PACRG: variants seen among roughly 807,000 people sequenced by gnomAD.
PACRG encodes the protein parkin coregulated gene protein.
A neutral mutation model predicts 29.7 loss-of-function variants in PACRG; 29 were observed. The observed-to-expected ratio is 0.98, with a 90% CI of 0.73 to 1.33. The LOEUF is 1.33. Among genes scored for constraint, PACRG ranks in the 40% most tolerant of loss-of-function variants. PACRG has a pLI of 0.00. For missense variants in PACRG, 279 were observed against 316.2 expected (o/e 0.88, Z 0.89); for synonymous variants, 116 against 118.7 (o/e 0.98, Z 0.15).
chr6:163,305,026 G>A (rs544859520), intron 4 of PACRG, among the ~76,000 whole-genome samples: 3 of 152,318 alleles, frequency 2.0e-5, no homozygotes, highest in African/African-American at 7.2e-5. Flanking sequence ...TGGCCCCACC[G>A]TGTCCCACAC....
intron 4 of PACRG, among the ~76,000 whole-genome samples, chr6:163,270,262 C>T (rs1444912657): frequency 6.6e-6 from 1 of 152,100 alleles, no homozygotes; most frequent in Non-Finnish European, 1.5e-5. Flanking sequence ...CAGGCTAACC[C>T]CCTGGGGAAA....
At chr6:163,312,073 A>G (rs571457592) in intron 4 of PACRG, among the ~76,000 whole-genome samples, 1 of 152,314 alleles carries the variant, frequency 6.6e-6, no homozygotes, top group African/African-American at 2.4e-5. Flanking sequence ...GCCACAACTC[A>G]GCATCATCAT....
chr6:162,882,852 G>A (rs1794015117), intron 2 of PACRG, among the ~76,000 whole-genome samples: 1 of 152,142 alleles, frequency 6.6e-6, no homozygotes, highest in Non-Finnish European at 1.5e-5. Context: ...ACTTTAGCAG[G>A]CTTACCCTGA....
At chr6:163,312,563 G>C (rs1253363994) in intron 4 of PACRG, among the ~76,000 whole-genome samples, 1 of 152,118 alleles carries the variant, frequency 6.6e-6, no homozygotes, top group Non-Finnish European at 1.5e-5. Context: ...ATTCCTGCCT[G>C]CACCTTCTCA....
At chr6:162,989,135 G>A (rs1354030264) in intron 2 of PACRG, among the ~76,000 whole-genome samples, 1 of 152,116 alleles carries the variant, frequency 6.6e-6, no homozygotes, top group Non-Finnish European at 1.5e-5. Flanking sequence ...AAGATTTCAG[G>A]TGGAACATTG....
At chr6:162,727,392 G>T (rs1345113721), upstream of PACRG, 5 of 473,500 alleles carry the variant, frequency 1.1e-5, no homozygotes, top group Non-Finnish European at 1.9e-5. Flanking sequence ...GCGGGGGTGC[G>T]GGGCCGCCTG....
At chr6:163,235,151 G>A (rs7774805) in intron 4 of PACRG, among the ~76,000 whole-genome samples, 48,747 of 151,946 alleles carry the variant, frequency 0.32, 7,933 homozygotes, top group South Asian at 0.42. Context: ...CTCTTCCATC[G>A]TAAGCCGGCT....
At chr6:163,094,558 A>G (rs570691810) in intron 4 of PACRG, among the ~76,000 whole-genome samples, 1 of 152,070 alleles carries the variant, frequency 6.6e-6, no homozygotes, top group Non-Finnish European at 1.5e-5. Flanking sequence ...GAGTATCTCC[A>G]ATTTACCAAA....
chr6:163,035,388 C>A (rs1223322786), intron 2 of PACRG, among the ~76,000 whole-genome samples: 1 of 152,094 alleles, frequency 6.6e-6, no homozygotes, highest in Non-Finnish European at 1.5e-5. Flanking sequence ...GTGGCTCATG[C>A]CTATAATCTC....
At position 163,165,866 on chromosome 6, in the gene PACRG, G is replaced by A. The variant is rs576841913; in HGVS notation, c.613+76458G>A. The A allele has an allele frequency of 8.3e-4, 291 of 349,410 alleles. 1 individual carries two copies. Among genetic ancestry groups the A allele is most frequent in the South Asian group, 6.0e-3 (270 of 44,896 alleles). The allele number at this position is 349,410 out of a possible 1,614,324, so 21.6% of individuals were successfully genotyped here. A position where few individuals can be genotyped will look rare whatever the true frequency, so the allele number is the denominator to read the frequency against. On this transcript the variant is annotated intron_variant, in intron 4 of 4. Coordinates refer to ENST00000366888, the MANE Select transcript of PACRG (RefSeq NM_001080379.2). ...TTAGGACAGTGAAGATGAGAATGGG[G>A]CGACAGGGGGAGAGAACGAATGAAA...
chr6:163,011,332 G>T (rs7772837), intron 2 of PACRG, among the ~76,000 whole-genome samples: 26,739 of 152,070 alleles, frequency 0.18, 2,813 homozygotes, highest in African/African-American at 0.29. Context: ...TTGCCCCCAG[G>T]AAATAAACCC....
At chr6:163,139,449 G>C (rs893045334) in intron 4 of PACRG, among the ~76,000 whole-genome samples, 2 of 152,034 alleles carry the variant, frequency 1.3e-5, no homozygotes, top group Admixed American at 1.3e-4. Context: ...GGGTCAACCT[G>C]TGTGATTGCA....
chr6:163,067,162 A>C (rs914506222), intron 3 of PACRG, among the ~76,000 whole-genome samples: 4 of 152,210 alleles, frequency 2.6e-5, no homozygotes, highest in African/African-American at 9.6e-5. Flanking sequence ...CCCAAGCTTC[A>C]GTATGCATCC....
At chr6:163,279,641 A>G (rs944811967) in intron 4 of PACRG, among the ~76,000 whole-genome samples, 3 of 152,122 alleles carry the variant, frequency 2.0e-5, no homozygotes, top group Admixed American at 1.3e-4. Flanking sequence ...ATTGAATTCA[A>G]TCAGAGGTTT....
intron 4 of PACRG, among the ~76,000 whole-genome samples, chr6:163,197,784 T>C (rs1157597068): frequency 6.6e-6 from 1 of 152,266 alleles, no homozygotes; most frequent in African/African-American, 2.4e-5. Flanking sequence ...GTTCTCTCTT[T>C]ACCTTCCATT....
intron 4 of PACRG, among the ~76,000 whole-genome samples, chr6:163,192,245 A>C (rs146144753): frequency 6.6e-6 from 1 of 152,190 alleles, no homozygotes; most frequent in Admixed American, 6.5e-5. Flanking sequence ...TTGCAAAGGA[A>C]CCTTAAAGTA....
chr6:162,837,738 T>G (rs191428007), intron 2 of PACRG, among the ~76,000 whole-genome samples: 2 of 152,156 alleles, frequency 1.3e-5, no homozygotes, highest in East Asian at 3.9e-4. Context: ...AAGGAGTACA[T>G]ACACACCGAC....
intron 4 of PACRG, among the ~76,000 whole-genome samples, chr6:163,131,759 G>C (rs953793374): frequency 6.6e-6 from 1 of 152,078 alleles, no homozygotes; most frequent in Non-Finnish European, 1.5e-5. Flanking sequence ...AGACGTGAGC[G>C]TGCTATTAGA....
At chr6:163,023,267 T>C (rs755184197) in intron 2 of PACRG, among the ~76,000 whole-genome samples, 1 of 152,196 alleles carries the variant, frequency 6.6e-6, no homozygotes, top group African/African-American at 2.4e-5. Context: ...CTTGTTTCCT[T>C]GTTCATGTCC....
Sources: gnomAD v4.1 joint callset for allele counts (sites outside exome capture counted in the v4.1 genomes callset) on GRCh38, gnomAD v4.1.1 for gene constraint, MANE v1.5 for transcripts, NCBI Gene and HGNC (gene_info 2026-07-23, HGNC 2026-07-21) for gene names.